The following PACC1 variants were observed in gnomAD, a reference collection of about 807,000 sequenced individuals.
PACC1 encodes the protein proton activated chloride channel 1.
Under a neutral mutation model 39.7 loss-of-function variants are expected in PACC1, and 34 were observed. The ratio of observed to expected loss-of-function variants is 0.86; its 90% CI spans 0.65 to 1.14. PACC1 has a LOEUF of 1.14. Among genes scored for constraint, PACC1 ranks in the 50% most tolerant of loss-of-function variants. The probability of loss-of-function intolerance (pLI) is 0.00; values close to 1 mark genes in which losing one functional copy is unlikely to be tolerated. For synonymous variants in PACC1, 127 were observed against 160.6 expected (o/e 0.79, Z 1.58); for missense variants, 379 against 436.4 (o/e 0.87, Z 1.17).
intron 7 of PACC1, among the ~76,000 whole-genome samples, chr1:212,369,185 G>C (rs1278892433): frequency 6.6e-6 from 1 of 152,118 alleles, no homozygotes. Flanking sequence ...TTAACTGCAA[G>C]ATGTTTTTTA....
At chr1:212,384,625 A>C (rs1661029851) in intron 4 of PACC1, among the ~76,000 whole-genome samples, 1 of 152,246 alleles carries the variant, frequency 6.6e-6, no homozygotes, top group African/African-American at 2.4e-5. Flanking sequence ...TTCTGAAGCA[A>C]GAATATGAAA....
intron 5 of PACC1, among the ~76,000 whole-genome samples, chr1:212,379,185 C>T (rs557900274): frequency 7.6e-4 from 116 of 152,198 alleles, no homozygotes; most frequent in African/African-American, 2.6e-3. Flanking sequence ...CCTCGTGATC[C>T]GCCCACCTTG....
chr1:212,389,952 T>A (rs938272246), intron 2 of PACC1, among the ~76,000 whole-genome samples: 15 of 151,994 alleles, frequency 9.9e-5, no homozygotes, highest in African/African-American at 2.7e-4. Context: ...GTTCACTGTA[T>A]AGGCTTAATA....
At chr1:212,365,429 C>CTT (rs879161931) in intron 7 of PACC1, 53 bp from the exon 8 acceptor site, 3,422 of 975,390 alleles carry the variant, frequency 3.5e-3, no homozygotes, top group South Asian at 5.6e-3. Context: ...AGTCTTGATT[C>CTT]TTTTTTTTTT....
intron 2 of PACC1, among the ~76,000 whole-genome samples, chr1:212,397,024 C>G (rs1661553639): frequency 6.6e-6 from 1 of 151,968 alleles, no homozygotes; most frequent in Admixed American, 6.6e-5. Context: ...TATTTTGAAA[C>G]ACAATGGCTG....
At chr1:212,371,670 G>A (rs1278685026) in intron 7 of PACC1, among the ~76,000 whole-genome samples, 2 of 151,822 alleles carry the variant, frequency 1.3e-5, no homozygotes, top group Non-Finnish European at 2.9e-5. Context: ...TCCCAAACTC[G>A]GTTCTGCAAG....
intron 2 of PACC1, among the ~76,000 whole-genome samples, chr1:212,390,080 G>A (rs2102506374): frequency 6.6e-6 from 1 of 152,142 alleles, no homozygotes; most frequent in South Asian, 2.1e-4. Flanking sequence ...AATTGTTACA[G>A]TATCTAGCAG....
intron 1 of PACC1, among the ~76,000 whole-genome samples, chr1:212,411,945 T>G (rs1662142765): frequency 1.3e-5 from 2 of 152,034 alleles, no homozygotes; most frequent in East Asian, 1.9e-4. Flanking sequence ...GTTCGAGACC[T>G]GCCTGGTCAA....
At chr1:212,396,605 GA>G (rs35410069) in intron 2 of PACC1, among the ~76,000 whole-genome samples, 7,767 of 132,998 alleles carry the variant, frequency 0.058, 321 homozygotes, top group Admixed American at 0.12. Flanking sequence ...TATACATATT[GA>G]AAAAAAAGAA....
Position 212,365,375 on chromosome 1 carries a change from A to T in PACC1, c.893T>A (p.Ile298Lys), listed in dbSNP as rs756023068. 6.2e-7 allele frequency: 1 copy of T among 1,602,686 alleles called. No homozygotes were observed. The highest frequency in any genetic ancestry group is 1.7e-5 in the Admixed American group (1 of 57,790). The change falls in exon 8 of 8, where the codon ATA becomes AAA. Residue 298 changes from isoleucine to lysine, a missense_variant and splice_region_variant. Physicochemically the swap from Ile to Lys is moderately radical, Grantham distance 102. Coordinates refer to ENST00000261455, the MANE Select transcript of PACC1 (RefSeq NM_018252.3). ...KDPFIQKVQD[I>K]VTANPWNTIA... ...TGTGTTCCAAGGATTGGCAGTGACT[A>T]TCTGTGAAGCAAACAGAAACAAACA...
chr1:212,376,041 G>A (rs973779255), intron 6 of PACC1, among the ~76,000 whole-genome samples: 3 of 151,764 alleles, frequency 2.0e-5, no homozygotes, highest in African/African-American at 4.8e-5. Context: ...AAGTTTACAG[G>A]GACAAAGCAC....
chr1:212,373,443 T>C (rs1660532213), intron 7 of PACC1, among the ~76,000 whole-genome samples: 1 of 152,146 alleles, frequency 6.6e-6, no homozygotes. Flanking sequence ...TGGACAAAGA[T>C]CTTTTTGGTA....
At chr1:212,392,026 A>G (rs1661341119) in intron 2 of PACC1, among the ~76,000 whole-genome samples, 1 of 152,232 alleles carries the variant, frequency 6.6e-6, no homozygotes, top group South Asian at 2.1e-4. Context: ...TCTGCAGGAT[A>G]TTATCCAGGA....
chr1:212,412,797 G>C (rs1208572983), intron 1 of PACC1, among the ~76,000 whole-genome samples: 1 of 152,224 alleles, frequency 6.6e-6, no homozygotes, highest in Non-Finnish European at 1.5e-5. Context: ...CTGGACGCAG[G>C]AGCTGCCCAC....
intron 6 of PACC1, 134 bp from the exon 7 acceptor site, chr1:212,375,434 T>A: frequency 1.6e-6 from 1 of 611,826 alleles, no homozygotes; most frequent in Non-Finnish European, 2.9e-6. Flanking sequence ...GGAGAGAGAG[T>A]GGCAAAAATC....
chr1:212,390,586 C>T (rs968520591), intron 2 of PACC1, among the ~76,000 whole-genome samples: 8 of 151,828 alleles, frequency 5.3e-5, no homozygotes, highest in South Asian at 2.1e-4. Context: ...GCTTGTCATA[C>T]AGTGGGTGCA....
chr1:212,414,850 C>A lies in PACC1; in HGVS notation c.-93G>T. On this transcript the variant is annotated 5_prime_UTR_variant, in exon 1 of 8. Coordinates refer to ENST00000261455, the MANE Select transcript of PACC1 (RefSeq NM_018252.3). ...GCCGCTGCACCTGGACCTACCGGCT[C>A]CGCGAGGCGAAACCGGTCCGGAGGG... 1 of 1,549,022 alleles carries A rather than the reference C, an allele frequency of 6.5e-7. No individual in the cohort carries two copies. Among genetic ancestry groups the A allele is most frequent in the Non-Finnish European group, 8.8e-7 (1 of 1,130,854 alleles).
intron 2 of PACC1, among the ~76,000 whole-genome samples, chr1:212,399,705 G>C (rs568621530): frequency 3.9e-4 from 59 of 152,228 alleles, no homozygotes; most frequent in African/African-American, 1.4e-3. Flanking sequence ...ACCATGCCCA[G>C]CTAATTTTTG....
chr1:212,377,687 T>C lies in PACC1; in HGVS notation c.658A>G (p.Met220Val). 6.2e-7 allele frequency: 1 copy of C among 1,614,164 alleles called. No homozygotes were observed. Among genetic ancestry groups the C allele is most frequent in the East Asian group, 2.2e-5 (1 of 44,880 alleles). ...GAATAGGCACTCTCACAGGCCTGCA[T>C]GAAGCCTACCCTGTTTGGGCTTGGA... ...FLQSPNRVGF[M>V]QACESAYSSW... Residue 220 changes from methionine (M) to valine (V), a missense_variant, in exon 6 of 8, where the codon ATG (methionine) becomes GTG (valine). Physicochemically the swap from Met to Val is conservative, Grantham distance 21. Transcript: ENST00000261455.
Sources: gnomAD v4.1 joint callset for allele counts (sites outside exome capture counted in the v4.1 genomes callset) on GRCh38, gnomAD v4.1.1 for gene constraint, MANE v1.5 for transcripts, NCBI Gene and HGNC (gene_info 2026-07-23, HGNC 2026-07-21) for gene names.